Variants in ADHFE1 observed in about 807,000 individuals in gnomAD.
ADHFE1 encodes alcohol dehydrogenase iron containing 1.
Under a neutral mutation model 54.8 loss-of-function variants are expected in ADHFE1, and 37 were observed. That is an observed-to-expected ratio of 0.68 (90% confidence interval 0.52 to 0.89). The LOEUF (loss-of-function observed/expected upper bound fraction) is 0.89. Among genes scored for constraint, ADHFE1 ranks in the 40% least tolerant of loss-of-function variants. ADHFE1 has a pLI of 0.00. For missense variants in ADHFE1, 601 were observed against 591.2 expected, an observed-to-expected ratio of 1.02 and a Z score of -0.17; for synonymous variants, 203 against 229.3, an observed-to-expected ratio of 0.89 and a Z score of 1.04.
intron 12 of ADHFE1, chr8:66,459,491 G>A (rs541144438): frequency 6.8e-6 from 1 of 147,924 alleles, no homozygotes; most frequent in East Asian, 2.0e-4. Flanking sequence ...TGACCTCCAG[G>A]ACTCAAGTGA....
In ADHFE1 at chr8:66,439,637, A is replaced by G. The variant is rs891787629; in HGVS notation, c.60-525A>G. The G allele has an allele frequency of 2.2e-5, 22 of 985,920 alleles. No homozygotes were observed. The highest frequency in any genetic ancestry group is 1.0e-3 in the Middle Eastern group (2 of 1,940). 61.1% of individuals were successfully genotyped at this position (985,920 alleles called of 1,614,324 possible). On this transcript the variant is annotated intron_variant, in intron 1 of 13. Coordinates refer to ENST00000396623, the MANE Select transcript of ADHFE1 (RefSeq NM_144650.3). The surrounding 1 kb of genome is among the most constrained non-coding windows in gnomAD (Gnocchi z 4.4). ...AACTGGGCAGAGAAAGATGGGGACC[A>G]GGGAGGTCTTTGGGTCCAGGAAGTT...
Position 66,452,100 on chromosome 8 carries a change from G to T in ADHFE1, c.882G>T (p.Leu294=). ...IHALRIVAKY[L]KRAVRNPDDL... is the part of the protein sequence containing the mutation. ...CGCTGCGGATCGTGGCTAAGTATCT[G>T]AAGAGGTATGTCACCCCGAAGGGGA... is the stretch of plus-strand genomic sequence containing the variant. The change falls in exon 9 of 14, where the codon CTG becomes CTT. Residue 294 remains leucine (L), a synonymous_variant. Transcript: ENST00000396623. 4.3e-6 allele frequency: 7 copies of T among 1,614,044 alleles called. No individual in the cohort carries two copies. The African/African-American group carries it at 8.0e-5, about 18-fold the overall frequency.
chr8:66,444,271 T>G (rs1201285286), intron 3 of ADHFE1, 96 bp from the exon 4 acceptor site: 3 of 1,158,454 alleles, frequency 2.6e-6, no homozygotes, highest in Non-Finnish European at 3.9e-6. Context: ...GTGTATACTT[T>G]ATGCTCTAGG....
chr8:66,460,783 T>A (rs2718997), intron 13 of ADHFE1, among the ~76,000 whole-genome samples: 1 of 152,248 alleles, frequency 6.6e-6, no homozygotes, highest in African/African-American at 2.4e-5. Context: ...TTTTCCCCAT[T>A]TCTGTTCTTT....
rs183330474 is a variant in ADHFE1 at position 66,439,147 on chromosome 8, G to T, written c.60-1015G>T. ...TCGCCCCCGCGTCTGCTTTGACTTC[G>T]CAGTTCGAATTTTTGAGATCTGGAC... On this transcript the variant is annotated intron_variant, in intron 1 of 13. Transcript: ENST00000396623. The surrounding 1 kb of genome is among the most constrained non-coding windows in gnomAD (Gnocchi z 4.4). 654 of 976,076 alleles carry T rather than the reference G, an allele frequency of 6.7e-4. No individual in the cohort carries two copies. Among genetic ancestry groups the T allele is most frequent in the Non-Finnish European group, 7.5e-4 (617 of 821,502 alleles). The allele number at this position is 976,076 out of a possible 1,614,324, so 60.5% of individuals were successfully genotyped here.
chr8:66,465,507 A>T (rs1009796049), intron 13 of ADHFE1, among the ~76,000 whole-genome samples: 1 of 151,908 alleles, frequency 6.6e-6, no homozygotes, highest in Non-Finnish European at 1.5e-5. Context: ...TTGGCTATGT[A>T]TATATATATA....
intron 3 of ADHFE1, among the ~76,000 whole-genome samples, chr8:66,443,083 T>A (rs972467310): frequency 7.9e-5 from 12 of 152,104 alleles, no homozygotes; most frequent in Non-Finnish European, 4.4e-5. Flanking sequence ...ATAGGATAAA[T>A]TCCCAATTCT....
At chr8:66,456,275 C>T (rs952948081) in intron 10 of ADHFE1, among the ~76,000 whole-genome samples, 3 of 152,196 alleles carry the variant, frequency 2.0e-5, no homozygotes, top group Admixed American at 6.5e-5. Context: ...CATAGCCTGT[C>T]AGGCTAGAAT....
At position 66,460,509 on chromosome 8, in the gene ADHFE1, C is replaced by A. The variant is rs117299264; in HGVS notation, c.1320+44C>A. The A allele has an allele frequency of 9.2e-6, 14 of 1,521,252 alleles. No homozygotes were observed. In the South Asian group the frequency reaches 1.6e-4, roughly 17 times the overall value. The allele number at this position is 1,521,252 out of a possible 1,614,324, so 94.2% of individuals were successfully genotyped here. On this transcript the variant is annotated intron_variant, in intron 13 of 13. Transcript: ENST00000396623. ...CCTCACTCCCTGCGAAGGAGCCTAG[C>A]GCCTCCAGAAAGACATGCTGCATTG... is the stretch of plus-strand genomic sequence containing the variant.
chr8:66,441,467 G>A (rs1468967912), intron 2 of ADHFE1, among the ~76,000 whole-genome samples: 1 of 152,144 alleles, frequency 6.6e-6, no homozygotes, highest in African/African-American at 2.4e-5. Flanking sequence ...TGCACTCAGG[G>A]AGCTGAAGGT....
intron 13 of ADHFE1, among the ~76,000 whole-genome samples, chr8:66,466,555 C>CT (rs376078729): frequency 6.6e-6 from 1 of 151,678 alleles, no homozygotes; most frequent in South Asian, 2.1e-4. Flanking sequence ...CCAGACAAAA[C>CT]AAATACCTAC....
At position 66,439,651 on chromosome 8, in the gene ADHFE1, G is replaced by A. The variant is rs1010354600; in HGVS notation, c.60-511G>A. The stretch of plus-strand genomic sequence containing the variant: ...AGATGGGGACCAGGGAGGTCTTTGG[G>A]TCCAGGAAGTTCTCCTGGAGGCTCA... On this transcript the variant is annotated intron_variant, in intron 1 of 13. Coordinates refer to ENST00000396623, the MANE Select transcript of ADHFE1 (RefSeq NM_144650.3). This position sits in a 1 kb window ranked among gnomAD's most constrained non-coding sequence, Gnocchi z 4.4. The A allele has an allele frequency of 3.9e-5, 38 of 985,774 alleles. No homozygotes were observed. The African/African-American group carries it at 6.1e-4, about 16-fold the overall frequency. 61.1% of individuals were successfully genotyped at this position (985,774 alleles called of 1,614,324 possible). A position where few individuals can be genotyped will look rare whatever the true frequency, so the allele number is the denominator to read the frequency against.
chr8:66,460,381 C>G lies in ADHFE1; in HGVS notation c.1236C>G (p.Phe412Leu), dbSNP rs369719961. ...CAGACACGCTCCGGAAATTCTTATT[C>G]GATCTGGATGTTGATGATGGCCTAG... is the stretch of plus-strand genomic sequence containing the variant. ...VLADTLRKFL[F>L]DLDVDDGLAA... Residue 412 changes from phenylalanine (F) to leucine (L), a missense_variant, in exon 13 of 14, where the codon TTC (phenylalanine) becomes TTG (leucine). Physicochemically the swap from Phe to Leu is conservative, Grantham distance 22. Transcript: ENST00000396623. 1 of 1,614,128 alleles carries G rather than the reference C, an allele frequency of 6.2e-7. No homozygotes were observed. The highest frequency in any genetic ancestry group is 8.5e-7 in the Non-Finnish European group (1 of 1,179,990).
chr8:66,453,099 C>G (rs1806387266), intron 9 of ADHFE1, among the ~76,000 whole-genome samples: 1 of 152,220 alleles, frequency 6.6e-6, no homozygotes, highest in Non-Finnish European at 1.5e-5. Flanking sequence ...TAGATCCAAA[C>G]AGACACGCAT....
intron 4 of ADHFE1, 47 bp downstream of exon 4, chr8:66,444,467 T>G: frequency 6.2e-7 from 1 of 1,609,734 alleles, no homozygotes; most frequent in Non-Finnish European, 8.5e-7. Flanking sequence ...ATGTTACATA[T>G]CTCACAAGAC....
Position 66,444,709 on chromosome 8 carries a change from C to G in ADHFE1, c.314C>G (p.Thr105Arg). 1 of 1,614,186 alleles carries G rather than the reference C, an allele frequency of 6.2e-7. No homozygotes were observed. The highest frequency in any genetic ancestry group is 2.2e-5 in the East Asian group (1 of 44,892). The change falls in exon 5 of 14, where the codon ACG becomes AGG. Residue 105 changes from threonine to arginine, a missense_variant. Coordinates refer to ENST00000396623, the MANE Select transcript of ADHFE1 (RefSeq NM_144650.3). The stretch of plus-strand genomic sequence containing the variant: ...CTAGTGAAGAATGGCATCCCCTTTA[C>G]GGTTTATGATAATGTGAGAGTGGAA... Reference protein sequence around the residue: ...DSLVKNGIPFTVYDNVRVEPT... With the variant: ...DSLVKNGIPFRVYDNVRVEPT...
chr8:66,443,498 G>A (rs1416085230), intron 3 of ADHFE1, among the ~76,000 whole-genome samples: 2 of 151,926 alleles, frequency 1.3e-5, no homozygotes, highest in African/African-American at 2.4e-5. Flanking sequence ...GGCTGGTCTC[G>A]AACTCCTGAC....
At chr8:66,449,559 G>A (rs1337786686) in intron 8 of ADHFE1, among the ~76,000 whole-genome samples, 1 of 152,160 alleles carries the variant, frequency 6.6e-6, no homozygotes, top group East Asian at 1.9e-4. Context: ...TTAGTGACTT[G>A]CCCATAGTCT....
At chr8:66,463,815 T>C (rs1056480428) in intron 13 of ADHFE1, among the ~76,000 whole-genome samples, 6 of 152,198 alleles carry the variant, frequency 3.9e-5, no homozygotes, top group African/African-American at 9.7e-5. Context: ...TGTTCAGCAG[T>C]GAAGGATTGG....
Sources: gnomAD v4.1 joint callset for allele counts (sites outside exome capture counted in the v4.1 genomes callset) on GRCh38, gnomAD v4.1.1 for gene constraint, Gnocchi (gnomAD v3.1) non-coding constraint, MANE v1.5 for transcripts, NCBI Gene and HGNC (gene_info 2026-07-23, HGNC 2026-07-21) for gene names.